The following PREX1 variants were observed in gnomAD, a reference collection of about 807,000 sequenced individuals.
The protein encoded by PREX1 is phosphatidylinositol-3,4,5-trisphosphate dependent Rac exchange factor 1.
In PREX1, 41 loss-of-function variants were observed where a neutral mutation model predicts 198.3. That is an observed-to-expected ratio of 0.21 (90% CI 0.16 to 0.27). PREX1 has a LOEUF of 0.27. Ranked by LOEUF, PREX1 falls within the 10% of genes least tolerant of loss-of-function variation. The probability of loss-of-function intolerance (pLI) is 1.00; values close to 1 mark genes in which losing one functional copy is unlikely to be tolerated. For synonymous variants in PREX1, 843 were observed against 887.2 expected (o/e 0.95, Z 0.89); for missense variants, 1,620 against 2,200.7 (o/e 0.74, Z 5.28).
intron 24 of PREX1, among the ~76,000 whole-genome samples, chr20:48,649,779 G>A (rs527841414): frequency 6.6e-6 from 1 of 152,294 alleles, no homozygotes; most frequent in East Asian, 1.9e-4. Context: ...ATCTTTTCCT[G>A]CCTGCAATGC....
intron 11 of PREX1, among the ~76,000 whole-genome samples, 196 bp from the exon 12 acceptor site, chr20:48,679,950 T>C (rs548122751): frequency 2.6e-5 from 4 of 152,082 alleles, no homozygotes; most frequent in South Asian, 4.2e-4. Context: ...ACTTCCCCAT[T>C]TTGCACATGA....
the PREX1 span, among the ~76,000 whole-genome samples, chr20:48,884,050 G>C: frequency 6.6e-6 from 1 of 150,572 alleles, no homozygotes; most frequent in Non-Finnish European, 1.5e-5. Flanking sequence ...TGAGGCAGGA[G>C]AACGGCCGTG....
intron 7 of PREX1, among the ~76,000 whole-genome samples, chr20:48,696,891 T>C (rs751187087): frequency 1.3e-5 from 2 of 151,970 alleles, no homozygotes; most frequent in South Asian, 2.1e-4. Context: ...AACGACACTA[T>C]TGGCTTGTCT....
chr20:48,671,012 G>A (rs1424252009), intron 14 of PREX1, among the ~76,000 whole-genome samples: 1 of 152,214 alleles, frequency 6.6e-6, no homozygotes, highest in Admixed American at 6.5e-5. Context: ...TCTCTCCAAC[G>A]GCCAATGCCC....
At chr20:48,832,351 G>A (rs1042319562), upstream of PREX1, among the ~76,000 whole-genome samples, 1 of 152,142 alleles carries the variant, frequency 6.6e-6, no homozygotes, top group Non-Finnish European at 1.5e-5. Context: ...GCAGGCTGAG[G>A]ATTTGAAGGC....
At position 48,649,280 on chromosome 20, in the gene PREX1, C is replaced by T; in HGVS notation, c.3305+20G>A. The T allele has an allele frequency of 6.2e-7, 1 of 1,603,890 alleles. No individual in the cohort carries two copies. The highest frequency in any genetic ancestry group is 1.1e-5 in the South Asian group (1 of 90,480). On this transcript the variant is annotated intron_variant, in intron 25 of 39. Coordinates refer to ENST00000371941, the MANE Select transcript of PREX1 (RefSeq NM_020820.4). ...AACACCTGCCCCTGCTCACGCCGGACACCCCCGGCCAGCGCTCACCTGTTG... is the reference window on the plus strand; with the variant it reads ...AACACCTGCCCCTGCTCACGCCGGATACCCCCGGCCAGCGCTCACCTGTTG...
Position 48,674,592 on chromosome 20 carries a change from G to A in PREX1, c.1665+1601C>T, listed in dbSNP as rs189740393. Among the ~76,000 whole-genome samples the A allele has an allele frequency of 1.6e-3, 251 of 152,296 alleles. 1 individual carries two copies. Among genetic ancestry groups the A allele is most frequent in the African/African-American group, 5.3e-3 (221 of 41,548 alleles). ...CACAGAACCGAGGCACAGTGGGTGA[G>A]TCCCAGCTTTGCTACTATGAAGCTG... On this transcript the variant is annotated intron_variant, in intron 14 of 39. Transcript: ENST00000371941.
At chr20:48,805,634 C>T (rs560777643) in intron 1 of PREX1, among the ~76,000 whole-genome samples, 8 of 152,294 alleles carry the variant, frequency 5.3e-5, no homozygotes, top group South Asian at 2.1e-4. Flanking sequence ...CCCTCAGCAC[C>T]GGGGGCTCCC....
rs1464578302 is a variant in PREX1 at position 48,666,333 on chromosome 20, T to G, written c.1688A>C (p.Glu563Ala). ...CAGACCCACGCCGAGCGCCACTGCC[T>G]CCTCCCGAGTCTGGCAGTCTCCCTG... ...LAQGDCQTRE[E>A]AVALGVGLCN... The change falls in exon 15 of 40, where the codon GAG becomes GCG. Residue 563 changes from glutamate to alanine, a missense_variant. Transcript: ENST00000371941. The surrounding 1 kb of genome is among the most constrained non-coding windows in gnomAD (Gnocchi z 4.3). The G allele has an allele frequency of 6.4e-7, 1 of 1,565,848 alleles. No homozygotes were observed. The highest frequency in any genetic ancestry group is 8.7e-7 in the Non-Finnish European group (1 of 1,155,832).
chr20:48,697,190 C>G lies in PREX1; in HGVS notation c.917+3563G>C, dbSNP rs370665848. 9.3e-4 allele frequency among the ~76,000 whole-genome samples: 141 copies of G among 152,176 alleles called. 3 individuals carry two copies. In the South Asian group the frequency reaches 0.028, roughly 30 times the overall value. On this transcript the variant is annotated intron_variant, in intron 7 of 39. Coordinates refer to ENST00000371941, the MANE Select transcript of PREX1 (RefSeq NM_020820.4). The stretch of plus-strand genomic sequence containing the variant: ...TGTATTTGTATTTCTTCCACTTGAC[C>G]ACGCACCAGGCCTTATTCTAACCAC...
the PREX1 span, among the ~76,000 whole-genome samples, chr20:48,873,081 G>A: frequency 6.6e-6 from 1 of 152,110 alleles, no homozygotes; most frequent in East Asian, 1.9e-4. Flanking sequence ...TTGGTCTCAT[G>A]AGCTCAGCTG....
chr20:48,798,550 A>G (rs797005934), intron 1 of PREX1, among the ~76,000 whole-genome samples: 18 of 152,224 alleles, frequency 1.2e-4, no homozygotes, highest in African/African-American at 4.3e-4. Flanking sequence ...CACCAGCACC[A>G]GCCTCCCCGC....
rs2089473238 is a variant in PREX1, at chr20:48,649,237, A to G, written c.3305+63T>C. On this transcript the variant is annotated intron_variant, in intron 25 of 39. Transcript: ENST00000371941. ...AAAGAATGATGCTACCCACAATGTC[A>G]GTAAGGCCAGGATTGAGAACACCTG... 4 of 1,565,000 alleles carry G rather than the reference A, an allele frequency of 2.6e-6. No homozygotes were observed. In the African/African-American group the frequency reaches 5.4e-5, roughly 21 times the overall value.
At position 48,747,847 on chromosome 20, in the gene PREX1, C is replaced by T. The variant is rs1305893746; in HGVS notation, c.253G>A (p.Asp85Asn). 2.5e-6 allele frequency: 4 copies of T among 1,613,442 alleles called. No homozygotes were observed. The highest frequency in any genetic ancestry group is 1.3e-5 in the African/African-American group (1 of 74,938). ...TCCGTGAGGCCCTTCTCCACTGAGT[C>T]GGCCACGTTCTGCCGGATGCGATGC... ...FLHRIRQNVA[D>N]SVEKGLTEEN... Residue 85 changes from aspartate to asparagine, a missense_variant, in exon 2 of 40, where the codon GAC (aspartate) becomes AAC (asparagine). Around this residue, in one of 7 missense-constraint regions of PREX1, gnomAD observed 488 missense variants for 802.5 expected, o/e 0.61. Transcript: ENST00000371941.
intron 1 of PREX1, among the ~76,000 whole-genome samples, chr20:48,782,127 A>G (rs2090292306): frequency 1.3e-5 from 2 of 152,228 alleles, no homozygotes; most frequent in Admixed American, 1.3e-4. Flanking sequence ...TGGGTGACTC[A>G]GTCAACAATT....
At chr20:48,733,593 A>G (rs2090043970) in intron 4 of PREX1, among the ~76,000 whole-genome samples, 1 of 152,164 alleles carries the variant, frequency 6.6e-6, no homozygotes, top group Non-Finnish European at 1.5e-5. Flanking sequence ...AAGGAGAGTC[A>G]AGAGACATAC....
At chr20:48,694,059 G>A (rs2089833392) in intron 7 of PREX1, among the ~76,000 whole-genome samples, 1 of 152,026 alleles carries the variant, frequency 6.6e-6, no homozygotes, top group Non-Finnish European at 1.5e-5. Context: ...CTACACGCAT[G>A]TGCCACCATG....
the PREX1 span, among the ~76,000 whole-genome samples, chr20:48,885,248 T>C: frequency 6.6e-6 from 1 of 152,224 alleles, no homozygotes; most frequent in African/African-American, 2.4e-5. Flanking sequence ...TGTTTCACTG[T>C]CGTAGGTCCA....
chr20:48,696,301 ACT>A (rs2089845344), intron 7 of PREX1, among the ~76,000 whole-genome samples: 2 of 152,246 alleles, frequency 1.3e-5, no homozygotes, highest in Non-Finnish European at 2.9e-5. Context: ...GTCAAGAATC[ACT>A]TTTTCCCCCA....
Sources: allele counts gnomAD v4.1 joint callset (sites outside exome capture counted in the v4.1 genomes callset), GRCh38; gene constraint gnomAD v4.1.1; regional missense constraint gnomAD v4.1.1; non-coding constraint Gnocchi (gnomAD v3.1); transcripts MANE v1.5; gene names NCBI Gene and HGNC (gene_info 2026-07-23, HGNC 2026-07-21).